The following PAPPA variants were observed in gnomAD, a reference collection of about 807,000 sequenced individuals.
The protein encoded by PAPPA is pappalysin 1.
PAPPA carries 60 observed loss-of-function variants against 164.0 expected under a neutral mutation model. The observed-to-expected ratio is 0.37, with a 90% confidence interval of 0.30 to 0.45. The LOEUF (loss-of-function observed/expected upper bound fraction) is 0.45. Among genes scored for constraint, PAPPA ranks in the 20% least tolerant of loss-of-function variants. The probability of loss-of-function intolerance (pLI) is 1.00; values close to 1 mark genes in which losing one functional copy is unlikely to be tolerated. For synonymous variants in PAPPA, 875 were observed against 814.1 expected, an observed-to-expected ratio of 1.07 and a Z score of -1.27; for missense variants, 1,782 against 2,087.3, an observed-to-expected ratio of 0.85 and a Z score of 2.85.
chr9:116,187,060 TA>T lies in PAPPA; in HGVS notation c.416-92del. 1.1e-6 allele frequency: 1 copy of T among 912,386 alleles called. No homozygotes were observed. Among genetic ancestry groups the T allele is most frequent in the Non-Finnish European group, 1.7e-6 (1 of 592,704 alleles). The allele number at this position is 912,386 out of a possible 1,614,324, so 56.5% of individuals were successfully genotyped here. A position where few individuals can be genotyped will look rare whatever the true frequency, so the allele number is the denominator to read the frequency against. On this transcript the variant is annotated intron_variant, in intron 1 of 21. Coordinates refer to ENST00000328252, the MANE Select transcript of PAPPA (RefSeq NM_002581.5). The surrounding 1 kb of genome is among the most constrained non-coding windows in gnomAD (Gnocchi z 4.2). ...CAGTTGGAAAGCGATGAGTCTAGGATAACCTGATACAAATTTTATTAGAGAA... is the reference window on the plus strand; with the variant it reads ...CAGTTGGAAAGCGATGAGTCTAGGATACCTGATACAAATTTTATTAGAGAA...
At chr9:116,244,525 A>G (rs1439597733) in intron 7 of PAPPA, among the ~76,000 whole-genome samples, 1 of 152,232 alleles carries the variant, frequency 6.6e-6, no homozygotes, top group Admixed American at 6.5e-5. Flanking sequence ...AGTACACACA[A>G]AATTATAATT....
At chr9:116,358,433 A>C (rs571404629) in intron 17 of PAPPA, among the ~76,000 whole-genome samples, 1 of 152,326 alleles carries the variant, frequency 6.6e-6, no homozygotes. Context: ...CACTGAGATG[A>C]GCACGTTAGA....
intron 9 of PAPPA, among the ~76,000 whole-genome samples, chr9:116,298,133 T>A (rs1296297135): frequency 2.0e-5 from 3 of 152,194 alleles, no homozygotes; most frequent in Non-Finnish European, 4.4e-5. Flanking sequence ...AGCTTTCAAA[T>A]GGGAATAACG....
chr9:116,398,036 T>G lies in PAPPA; in HGVS notation c.*1420T>G, dbSNP rs2118744644. ...CATGGTCATCATGTTTTCTATATGG[T>G]TTTTCCAGCTAGCAGTACTCCCTTC... is the stretch of plus-strand genomic sequence containing the variant. On this transcript the variant is annotated 3_prime_UTR_variant, in exon 22 of 22. Coordinates refer to ENST00000328252, the MANE Select transcript of PAPPA (RefSeq NM_002581.5). 6.5e-6 allele frequency: 1 copy of G among 152,732 alleles called. No individual in the cohort carries two copies. The highest frequency in any genetic ancestry group is 2.4e-5 in the African/African-American group (1 of 41,516). The allele number at this position is 152,732 out of a possible 1,614,324, so 9.5% of individuals were successfully genotyped here.
chr9:116,384,444 G>A lies in PAPPA; in HGVS notation c.4776+1951G>A, dbSNP rs182824811. Among the ~76,000 whole-genome samples, 1,346 of 152,006 alleles carry A rather than the reference G, an allele frequency of 8.9e-3. 14 individuals are homozygous for A. Among genetic ancestry groups the A allele is most frequent in the Middle Eastern group, 0.034 (10 of 294 alleles). On this transcript the variant is annotated intron_variant, in intron 21 of 21. Coordinates refer to ENST00000328252, the MANE Select transcript of PAPPA (RefSeq NM_002581.5). Reference sequence around the variant, plus strand: ...TACTCCAGCCTAGGCGATAGGGTGAGACCCTGTCTCAAAATTTAAAAAAGT... The same window carrying A: ...TACTCCAGCCTAGGCGATAGGGTGAAACCCTGTCTCAAAATTTAAAAAAGT...
chr9:116,182,057 T>C (rs1202615538), intron 1 of PAPPA, among the ~76,000 whole-genome samples: 4 of 152,322 alleles, frequency 2.6e-5, no homozygotes, highest in African/African-American at 7.2e-5. Flanking sequence ...TGACCATGAC[T>C]AAGAGCCTGG....
At position 116,188,088 on chromosome 9, in the gene PAPPA, G is replaced by A. The variant is rs747773002; in HGVS notation, c.1350G>A (p.Lys450=). The part of the protein sequence containing the change: ...CRHLRHPAFV[K]KQHNGVCDMD... ...ACCTGCGCCACCCTGCCTTCGTGAA[G>A]AAGCAGCACAACGGGGTGTGTGACA... The change falls in exon 2 of 22, where the codon AAG becomes AAA. Residue 450 remains lysine (K), a synonymous_variant. Coordinates refer to ENST00000328252, the MANE Select transcript of PAPPA (RefSeq NM_002581.5). The A allele has an allele frequency of 6.2e-7, 1 of 1,614,256 alleles. No individual in the cohort carries two copies.
intron 1 of PAPPA, among the ~76,000 whole-genome samples, chr9:116,160,754 G>T (rs147105426): frequency 3.5e-4 from 53 of 152,292 alleles, no homozygotes; most frequent in African/African-American, 1.2e-3. Context: ...TCTTCTTACT[G>T]CAGTAAGAGC....
intron 17 of PAPPA, among the ~76,000 whole-genome samples, chr9:116,355,266 G>A (rs1370635845): frequency 6.6e-6 from 1 of 152,234 alleles, no homozygotes; most frequent in Non-Finnish European, 1.5e-5. Context: ...AGGAATTAAG[G>A]GCAGGAGGAA....
chr9:116,322,395 AG>A (rs1173749929), intron 10 of PAPPA, among the ~76,000 whole-genome samples: 4 of 136,582 alleles, frequency 2.9e-5, no homozygotes, highest in Non-Finnish European at 6.2e-5. Flanking sequence ...GGGGTACAAT[AG>A]GAAGACTTAG....
Position 116,220,143 on chromosome 9 carries a change from G to T in PAPPA, c.2111+14G>T. The T allele has an allele frequency of 2.5e-6, 4 of 1,592,620 alleles. No homozygotes were observed. The highest frequency in any genetic ancestry group is 1.7e-4 in the Middle Eastern group (1 of 6,002). ...TTTCTTTGAAAGGTGAGTGTGCCCT[G>T]TGTAGTGTTGATCCCTCTCTCTCTC... On this transcript the variant is annotated intron_variant, in intron 5 of 21. Transcript: ENST00000328252.
intron 21 of PAPPA, among the ~76,000 whole-genome samples, chr9:116,391,992 G>A (rs115535131): frequency 6.6e-6 from 1 of 152,152 alleles, no homozygotes; most frequent in African/African-American, 2.4e-5. Flanking sequence ...CCTGACTCCT[G>A]CTCTGCCGTC....
At chr9:116,340,139 T>G (rs1008207324) in intron 13 of PAPPA, among the ~76,000 whole-genome samples, 2 of 152,188 alleles carry the variant, frequency 1.3e-5, no homozygotes, top group African/African-American at 4.8e-5. Context: ...TTTTTTTCCT[T>G]CTTTTGTTAT....
intron 9 of PAPPA, among the ~76,000 whole-genome samples, chr9:116,295,504 A>G (rs1004287741): frequency 2.0e-5 from 3 of 150,352 alleles, no homozygotes; most frequent in Non-Finnish European, 4.4e-5. Context: ...CAGTGAGCCA[A>G]GATCGCACCA....
chr9:116,209,023 C>T (rs1381749210), intron 3 of PAPPA, among the ~76,000 whole-genome samples: 1 of 152,082 alleles, frequency 6.6e-6, no homozygotes, highest in Non-Finnish European at 1.5e-5. Flanking sequence ...AGTGATGCTG[C>T]TACATGTCCA....
chr9:116,393,309 C>G (rs1264835163), intron 21 of PAPPA, among the ~76,000 whole-genome samples: 2 of 152,162 alleles, frequency 1.3e-5, no homozygotes. Flanking sequence ...AAAATCAACT[C>G]TTATTATAGG....
In PAPPA at chr9:116,298,033, C is replaced by T. The variant is rs572034465; in HGVS notation, c.2954-4724C>T. Reference sequence around the variant, plus strand: ...AAGAGCTTGAATCCAGGATTTCTGACTTCAAGGATAAGAACTCTTAACAAT... The same window carrying T: ...AAGAGCTTGAATCCAGGATTTCTGATTTCAAGGATAAGAACTCTTAACAAT... On this transcript the variant is annotated intron_variant, in intron 9 of 21. Coordinates refer to ENST00000328252, the MANE Select transcript of PAPPA (RefSeq NM_002581.5). 1.5e-3 allele frequency among the ~76,000 whole-genome samples: 230 copies of T among 152,304 alleles called. 1 individual carries two copies. Among genetic ancestry groups the T allele is most frequent in the African/African-American group, 5.2e-3 (215 of 41,558 alleles).
chr9:116,353,913 T>G, intron 17 of PAPPA, 120 bp downstream of exon 17: 1 of 646,082 alleles, frequency 1.5e-6, no homozygotes, highest in Non-Finnish European at 2.6e-6. Context: ...CTCATTTTCC[T>G]ACCCGCAATA....
At chr9:116,273,252 A>G (rs1845157824) in intron 9 of PAPPA, among the ~76,000 whole-genome samples, 1 of 152,164 alleles carries the variant, frequency 6.6e-6, no homozygotes, top group Admixed American at 6.5e-5. Flanking sequence ...AAAAATAAGG[A>G]CATCTCTAAT....
Sources: allele counts gnomAD v4.1 joint callset (sites outside exome capture counted in the v4.1 genomes callset), GRCh38; gene constraint gnomAD v4.1.1; non-coding constraint Gnocchi (gnomAD v3.1); transcripts MANE v1.5; gene names NCBI Gene and HGNC (gene_info 2026-07-23, HGNC 2026-07-21).